Variants in WDR19 observed in about 807,000 individuals in gnomAD.
WDR19 encodes WD repeat-containing protein 19.
A neutral mutation model predicts 180.0 loss-of-function variants in WDR19; 121 were observed. The observed-to-expected ratio is 0.67, with a 90% CI of 0.58 to 0.78. The LOEUF (loss-of-function observed/expected upper bound fraction) is 0.78. Among genes scored for constraint, WDR19 ranks in the 30% least tolerant of loss-of-function variants. The pLI is 0.00. For missense variants in WDR19, 1,450 were observed against 1,640.7 expected, an observed-to-expected ratio of 0.88 and a Z score of 2.01; for synonymous variants, 497 against 540.7, an observed-to-expected ratio of 0.92 and a Z score of 1.12.
At chr4:39,193,799 C>T (rs1262216242) in intron 4 of WDR19, among the ~76,000 whole-genome samples, 1 of 152,196 alleles carries the variant, frequency 6.6e-6, no homozygotes, top group Non-Finnish European at 1.5e-5. Flanking sequence ...ACACAGGTAG[C>T]TGGGTGCCAC....
chr4:39,237,623 C>G (rs527698086), intron 20 of WDR19: 1 of 152,158 alleles, frequency 6.6e-6, no homozygotes, highest in Non-Finnish European at 1.5e-5. Flanking sequence ...ATTTTCTATT[C>G]TACAGATTAA....
intron 15 of WDR19, 117 bp downstream of exon 15, chr4:39,225,150 T>C: frequency 1.3e-6 from 1 of 743,640 alleles, no homozygotes; most frequent in Non-Finnish European, 2.0e-6. Context: ...ATTGTAGTTC[T>C]TTGCTGTCAT....
chr4:39,284,645 TAAAAAAAAAAA>T (rs144371093), intron 36 of WDR19, among the ~76,000 whole-genome samples: 4 of 132,168 alleles, frequency 3.0e-5, no homozygotes, highest in Non-Finnish European at 6.4e-5. Context: ...CCTGGCTTTC[TAAAAAAAAAAA>T]AAAAAAAAAA....
At chr4:39,182,633 G>A in intron 1 of WDR19, 70 bp downstream of exon 1, 2 of 1,604,068 alleles carry the variant, frequency 1.2e-6, no homozygotes, top group Non-Finnish European at 8.5e-7. Context: ...GCTTTTAAAA[G>A]AGGATATCTG....
chr4:39,213,292 T>C (rs760848010), intron 9 of WDR19, among the ~76,000 whole-genome samples: 22 of 152,242 alleles, frequency 1.4e-4, no homozygotes, highest in Non-Finnish European at 1.5e-4. Flanking sequence ...TATGAATGTT[T>C]ATAGCAACTT....
chr4:39,204,456 A>T (rs1456969027), intron 7 of WDR19, among the ~76,000 whole-genome samples: 3 of 152,200 alleles, frequency 2.0e-5, no homozygotes, highest in Admixed American at 6.5e-5. Context: ...AATCAGTATG[A>T]TTTTCACAAT....
intron 27 of WDR19, 62 bp from the exon 28 acceptor site, chr4:39,257,424 C>T (rs956652214): frequency 6.9e-7 from 1 of 1,456,172 alleles, no homozygotes; most frequent in East Asian, 2.5e-5. Flanking sequence ...TGTGTGAAAG[C>T]TTTGTTTTCC....
intron 28 of WDR19, among the ~76,000 whole-genome samples, chr4:39,260,215 A>G (rs1734148016): frequency 2.0e-5 from 3 of 152,224 alleles, no homozygotes; most frequent in Non-Finnish European, 4.4e-5. Context: ...ATTTCCCACT[A>G]ACTAGTAGTT....
At chr4:39,183,016 G>T (rs1725111090) in intron 1 of WDR19, among the ~76,000 whole-genome samples, 1 of 152,126 alleles carries the variant, frequency 6.6e-6, no homozygotes, top group Non-Finnish European at 1.5e-5. Context: ...GCCTTAAAAA[G>T]AATGAAAAGC....
rs117207304 is a variant in WDR19 at position 39,270,196 on chromosome 4, G to T, written c.3483+96G>T. 2.0e-4 allele frequency: 290 copies of T among 1,468,668 alleles called. 2 individuals are homozygous for T. In the East Asian group the frequency reaches 6.5e-3, roughly 33 times the overall value. 91.0% of individuals were successfully genotyped at this position (1,468,668 alleles called of 1,614,324 possible). On this transcript the variant is annotated intron_variant, in intron 31 of 36. Coordinates refer to ENST00000399820, the MANE Select transcript of WDR19 (RefSeq NM_025132.4). The stretch of plus-strand genomic sequence containing the variant: ...CCTTCTCCATTGGATTCGAGTGATT[G>T]TCTAGATGTCTGTATTGTTAAGTAA...
chr4:39,244,362 T>C lies in WDR19; in HGVS notation c.2536T>C (p.Cys846Arg). 1.9e-6 allele frequency: 3 copies of C among 1,614,022 alleles called. No individual in the cohort carries two copies. Among genetic ancestry groups the C allele is most frequent in the Non-Finnish European group, 2.5e-6 (3 of 1,179,870 alleles). Residue 846 changes from cysteine (C) to arginine (R), a missense_variant, in exon 22 of 37, where the codon TGT becomes CGT. By Grantham distance (180) the Cys-to-Arg change is radical. Transcript: ENST00000399820. ...KHPSRVLKRDCGAILENMKQF... is the reference protein window; with the variant it reads ...KHPSRVLKRDRGAILENMKQF... ...TCCCAGCAGGGTCCTTAAAAGAGAC[T>C]GTGGAGCCATATTGGAGAATATGAA...
At chr4:39,183,369 C>T (rs2109734132) in intron 1 of WDR19, among the ~76,000 whole-genome samples, 1 of 149,834 alleles carries the variant, frequency 6.7e-6, no homozygotes, top group South Asian at 2.1e-4. Flanking sequence ...CCTGCCTCAG[C>T]CCCCCGAGTA....
rs371192717 is a variant in WDR19, at chr4:39,203,770, T to A, written c.603+48T>A. 1,740 of 1,520,182 alleles carry A rather than the reference T, an allele frequency of 1.1e-3. 26 individuals are homozygous for A. In the South Asian group the frequency reaches 0.012, roughly 10 times the overall value. The allele number at this position is 1,520,182 out of a possible 1,614,324, so 94.2% of individuals were successfully genotyped here. ...CGTGCAAATCATTTGGGTAATTTTG[T>A]GGAATGTATAATTTACTTTTCTTGG... On this transcript the variant is annotated intron_variant, in intron 7 of 36. Coordinates refer to ENST00000399820, the MANE Select transcript of WDR19 (RefSeq NM_025132.4).
chr4:39,249,868 A>C (rs2109425766), intron 24 of WDR19, among the ~76,000 whole-genome samples: 1 of 152,260 alleles, frequency 6.6e-6, no homozygotes, highest in East Asian at 1.9e-4. Context: ...TTACCAACCA[A>C]AAAAAGTCCA....
intron 9 of WDR19, among the ~76,000 whole-genome samples, chr4:39,213,932 A>G (rs1026218371): frequency 6.6e-6 from 1 of 152,230 alleles, no homozygotes; most frequent in African/African-American, 2.4e-5. Flanking sequence ...AGTTTAATTA[A>G]ATGAAAATAA....
chr4:39,242,565 T>C (rs780457409), intron 21 of WDR19, among the ~76,000 whole-genome samples: 23 of 152,294 alleles, frequency 1.5e-4, no homozygotes, highest in Admixed American at 6.5e-4. Flanking sequence ...CTCATGCTAG[T>C]GATAACCAGC....
At chr4:39,234,333 A>C (rs1731164317) in intron 19 of WDR19, among the ~76,000 whole-genome samples, 1 of 152,212 alleles carries the variant, frequency 6.6e-6, no homozygotes, top group South Asian at 2.1e-4. Context: ...ATAGAGCTTC[A>C]GATTTTCTAA....
chr4:39,234,501 A>G (rs1402094112), intron 19 of WDR19, among the ~76,000 whole-genome samples: 1 of 152,228 alleles, frequency 6.6e-6, no homozygotes, highest in East Asian at 1.9e-4. Context: ...ATTTTGTTAG[A>G]TACGACTGAG....
Position 39,210,436 on chromosome 4 carries a change from G to A in WDR19, c.891-4165G>A, listed in dbSNP as rs113985004. Among the ~76,000 whole-genome samples, 159 of 152,262 alleles carry A rather than the reference G, an allele frequency of 1.0e-3. 1 individual carries two copies. The highest frequency in any genetic ancestry group is 3.4e-3 in the Middle Eastern group (1 of 294). On this transcript the variant is annotated intron_variant, in intron 9 of 36. Coordinates refer to ENST00000399820, the MANE Select transcript of WDR19 (RefSeq NM_025132.4). ...GGCACATGGCTGCTGTAATCCCAGC[G>A]CTTTGGGAGGCTGAGCCAGGAGGAT... is the stretch of plus-strand genomic sequence containing the variant.
Sources: allele counts gnomAD v4.1 joint callset (sites outside exome capture counted in the v4.1 genomes callset), GRCh38; gene constraint gnomAD v4.1.1; transcripts MANE v1.5; gene names NCBI Gene and HGNC (gene_info 2026-07-23, HGNC 2026-07-21).